The following NEDD4L variants were observed in gnomAD, a reference collection of about 807,000 sequenced individuals.
NEDD4L encodes NEDD4 like E3 ubiquitin protein ligase, also known as E3 ubiquitin-protein ligase NEDD4-like.
NEDD4L carries 54 observed loss-of-function variants against 148.9 expected under a neutral mutation model. The observed-to-expected ratio is 0.36, with a 90% CI of 0.29 to 0.45. The LOEUF is 0.45. NEDD4L is among the 20% of genes least tolerant of loss of function. NEDD4L has a pLI of 1.00. For synonymous variants in NEDD4L, 433 were observed against 440.7 expected (o/e 0.98, Z 0.22); for missense variants, 856 against 1,233.8 (o/e 0.69, Z 4.59).
At chr18:58,351,473 C>T (rs575498136) in intron 18 of NEDD4L, among the ~76,000 whole-genome samples, 68 of 152,318 alleles carry the variant, frequency 4.5e-4, no homozygotes, top group African/African-American at 1.5e-3. Flanking sequence ...GCAGGATGCC[C>T]GCTCTGACCT....
intron 30 of NEDD4L, among the ~76,000 whole-genome samples, chr18:58,392,355 T>G (rs2049948424): frequency 6.6e-6 from 1 of 152,214 alleles, no homozygotes; most frequent in Non-Finnish European, 1.5e-5. Flanking sequence ...CAGCGGGGGC[T>G]GCAAAGCCTG....
At chr18:58,296,019 C>A (rs7242748) in intron 5 of NEDD4L, among the ~76,000 whole-genome samples, 152,228 of 152,302 alleles carry the variant, frequency 1, 76,077 homozygotes, top group Middle Eastern at 1. Flanking sequence ...CACCAAAAGG[C>A]TTTGGGCAAG....
Position 58,282,121 on chromosome 18 carries a change from T to C in NEDD4L, c.297+30067T>C, listed in dbSNP as rs2053226440. On this transcript the variant is annotated intron_variant, in intron 5 of 30. Coordinates refer to ENST00000400345, the MANE Select transcript of NEDD4L (RefSeq NM_001144967.3). Reference sequence around the variant, plus strand: ...GTATCTAGTTATTTATACAGCTATTTTTAAAAGTCAGGTTGGCAAAGGTCT... The same window carrying C: ...GTATCTAGTTATTTATACAGCTATTCTTAAAAGTCAGGTTGGCAAAGGTCT... Among the ~76,000 whole-genome samples the C allele has an allele frequency of 5.1e-5, 5 of 98,692 alleles. 1 individual carries two copies. The South Asian group carries it at 1.3e-3, about 25-fold the overall frequency. The allele number at this position is 98,692 out of a possible 152,430, so 64.7% of individuals were successfully genotyped here. A position where few individuals can be genotyped will look rare whatever the true frequency, so the allele number is the denominator to read the frequency against.
chr18:58,200,618 A>G (rs1568375429), intron 2 of NEDD4L, among the ~76,000 whole-genome samples: 1 of 152,208 alleles, frequency 6.6e-6, no homozygotes, highest in Non-Finnish European at 1.5e-5. Flanking sequence ...TTTTTAAAGT[A>G]CTACTGGAGA....
chr18:58,301,471 C>G (rs113735431), intron 5 of NEDD4L, among the ~76,000 whole-genome samples: 1 of 152,106 alleles, frequency 6.6e-6, no homozygotes, highest in Non-Finnish European at 1.5e-5. Context: ...AGGGAGGTAC[C>G]CTGTAGAATA....
rs2046096920 is a variant in NEDD4L at position 58,366,308 on chromosome 18, C to T, written c.2063+80C>T. 6 of 1,049,644 alleles carry T rather than the reference C, an allele frequency of 5.7e-6. No individual in the cohort carries two copies. The highest frequency in any genetic ancestry group is 2.8e-5 in the Admixed American group (1 of 35,806). The allele number at this position is 1,049,644 out of a possible 1,614,324, so 65.0% of individuals were successfully genotyped here. A position where few individuals can be genotyped will look rare whatever the true frequency, so the allele number is the denominator to read the frequency against. On this transcript the variant is annotated intron_variant, in intron 21 of 30. Coordinates refer to ENST00000400345, the MANE Select transcript of NEDD4L (RefSeq NM_001144967.3). The surrounding 1 kb of genome is among the most constrained non-coding windows in gnomAD (Gnocchi z 4.2). ...TTAAACAGAATGAAAGGATAAGCAG[C>T]TCATGAGTTCGAGATGCATTAACTC...
At position 58,222,199 on chromosome 18, in the gene NEDD4L, C is replaced by T. The variant is rs192547914; in HGVS notation, c.123-23228C>T. On this transcript the variant is annotated intron_variant, in intron 2 of 30. Transcript: ENST00000400345. Reference sequence around the variant, plus strand: ...AAAGAATTGTGTTTTCCTTCCTGTTCTGTTTCGAGTCTCAGTATTTCTGAC... The same window carrying T: ...AAAGAATTGTGTTTTCCTTCCTGTTTTGTTTCGAGTCTCAGTATTTCTGAC... Among the ~76,000 whole-genome samples, 365 of 152,266 alleles carry T rather than the reference C, an allele frequency of 2.4e-3. 3 individuals are homozygous for T. The highest frequency in any genetic ancestry group is 8.3e-3 in the African/African-American group (344 of 41,552).
chr18:58,058,108 C>A (rs926589755), intron 1 of NEDD4L, among the ~76,000 whole-genome samples: 2 of 152,222 alleles, frequency 1.3e-5, no homozygotes, highest in Admixed American at 1.3e-4. Context: ...GAGGTAGAGA[C>A]CATCCTGGCC....
intron 9 of NEDD4L, among the ~76,000 whole-genome samples, chr18:58,325,520 G>A (rs1601270841): frequency 6.6e-6 from 1 of 152,262 alleles, no homozygotes; most frequent in East Asian, 1.9e-4. Flanking sequence ...AACTGACCCA[G>A]AACAGAACCG....
In NEDD4L at chr18:58,068,740, A is replaced by G. The variant is rs968918822; in HGVS notation, c.48+24032A>G. 4.6e-5 allele frequency among the ~76,000 whole-genome samples: 7 copies of G among 152,286 alleles called. No homozygotes were observed. In the South Asian group the frequency reaches 1.5e-3, roughly 32 times the overall value. On this transcript the variant is annotated intron_variant, in intron 1 of 30. Transcript: ENST00000400345. ...AGGAGACATAGGAGAGGCTTGAGAG[A>G]TGTCAGTGGGTGGCCATGGCTCAGC... is the stretch of plus-strand genomic sequence containing the variant.
chr18:58,210,637 G>A (rs759729267), intron 2 of NEDD4L, among the ~76,000 whole-genome samples: 14 of 151,948 alleles, frequency 9.2e-5, no homozygotes, highest in Non-Finnish European at 1.8e-4. Flanking sequence ...TAGTAGAGAC[G>A]GGGTTTCTCC....
At chr18:58,120,875 T>G (rs1469226585) in intron 1 of NEDD4L, among the ~76,000 whole-genome samples, 1 of 148,508 alleles carries the variant, frequency 6.7e-6, no homozygotes, top group Non-Finnish European at 1.5e-5. Flanking sequence ...CCATCCCCAC[T>G]GGTATCTTTA....
At chr18:58,067,697 T>A (rs1339201938) in intron 1 of NEDD4L, among the ~76,000 whole-genome samples, 1 of 152,186 alleles carries the variant, frequency 6.6e-6, no homozygotes, top group East Asian at 1.9e-4. Context: ...TTGTAATGTA[T>A]GATTTGTGTC....
rs573528842 is a variant in NEDD4L, at chr18:58,110,041, G to A, written c.49-55747G>A. 2.8e-4 allele frequency among the ~76,000 whole-genome samples: 43 copies of A among 152,198 alleles called. 1 individual carries two copies. Among genetic ancestry groups the A allele is most frequent in the African/African-American group, 9.9e-4 (41 of 41,482 alleles). On this transcript the variant is annotated intron_variant, in intron 1 of 30. Coordinates refer to ENST00000400345, the MANE Select transcript of NEDD4L (RefSeq NM_001144967.3). ...ATGATTCTGCTGAGACTGAGGTTCT[G>A]AACTTGGGCTGCCCTAGGGCTGCCC... is the stretch of plus-strand genomic sequence containing the variant.
intron 9 of NEDD4L, among the ~76,000 whole-genome samples, chr18:58,327,920 A>G (rs961070282): frequency 6.6e-6 from 1 of 151,646 alleles, no homozygotes; most frequent in Non-Finnish European, 1.5e-5. Flanking sequence ...ATGATTGCCT[A>G]TAATTTACTG....
Position 58,390,643 on chromosome 18 carries a change from T to C in NEDD4L, c.2656-3T>C. 6.3e-7 allele frequency: 1 copy of C among 1,575,818 alleles called. No homozygotes were observed. Among genetic ancestry groups the C allele is most frequent in the Non-Finnish European group, 8.6e-7 (1 of 1,158,028 alleles). On this transcript the variant is annotated splice_region_variant and splice_polypyrimidine_tract_variant and intron_variant, in intron 28 of 30. Transcript: ENST00000400345. ...TATAATGACCTTCTGCCTCTGTTCA[T>C]AGGCTGTGCTACTCATGGACGCCGA...
chr18:58,107,617 G>C (rs2145601764), intron 1 of NEDD4L, among the ~76,000 whole-genome samples: 1 of 152,220 alleles, frequency 6.6e-6, no homozygotes, highest in South Asian at 2.1e-4. Context: ...TCCTCTGGAG[G>C]CTGAGGTGGG....
chr18:58,097,194 G>C (rs550342138), intron 1 of NEDD4L, among the ~76,000 whole-genome samples: 1 of 152,222 alleles, frequency 6.6e-6, no homozygotes, highest in Non-Finnish European at 1.5e-5. Flanking sequence ...ATTCTGATGG[G>C]AAGGAAATGA....
chr18:58,288,213 A>G (rs895451892), intron 5 of NEDD4L, among the ~76,000 whole-genome samples: 12 of 152,234 alleles, frequency 7.9e-5, no homozygotes, highest in Non-Finnish European at 1.5e-4. Context: ...ATCAGACCAC[A>G]TGAAGTGAAG....
Sources: allele counts gnomAD v4.1 joint callset (sites outside exome capture counted in the v4.1 genomes callset), GRCh38; gene constraint gnomAD v4.1.1; non-coding constraint Gnocchi (gnomAD v3.1); transcripts MANE v1.5; gene names NCBI Gene and HGNC (gene_info 2026-07-23, HGNC 2026-07-21).